The following ANTXR1 variants were observed in gnomAD, a reference collection of about 807,000 sequenced individuals.
ANTXR1 encodes the protein anthrax toxin receptor 1.
In ANTXR1, 19 loss-of-function variants were observed where a neutral mutation model predicts 78.1. The observed-to-expected ratio is 0.24, with a 90% confidence interval of 0.17 to 0.36. The LOEUF (loss-of-function observed/expected upper bound fraction) is 0.36. Among genes scored for constraint, ANTXR1 ranks in the 10% least tolerant of loss-of-function variants. The pLI is 1.00. For missense variants in ANTXR1, 518 were observed against 718.6 expected (o/e 0.72, Z 3.19); for synonymous variants, 273 against 260.5 (o/e 1.05, Z -0.46).
intron 10 of ANTXR1, among the ~76,000 whole-genome samples, chr2:69,106,353 G>A (rs1214061257): frequency 6.6e-6 from 1 of 152,180 alleles, no homozygotes; most frequent in Non-Finnish European, 1.5e-5. Flanking sequence ...AAATTACATT[G>A]TGTGGCCTCA....
chr2:69,242,778 T>A (rs1675924369), intron 17 of ANTXR1, among the ~76,000 whole-genome samples: 1 of 152,218 alleles, frequency 6.6e-6, no homozygotes, highest in Non-Finnish European at 1.5e-5. Flanking sequence ...CAGATGGTAA[T>A]CATTAGGGCC....
In ANTXR1 at chr2:69,071,481, C is replaced by T. The variant is rs184730761; in HGVS notation, c.379-273C>T. Among the ~76,000 whole-genome samples, 67 of 152,354 alleles carry T rather than the reference C, an allele frequency of 4.4e-4. 1 individual carries two copies. The highest frequency in any genetic ancestry group is 4.0e-3 in the Admixed American group (61 of 15,304). On this transcript the variant is annotated intron_variant, in intron 4 of 17. Transcript: ENST00000303714. ...ATGTCACTAGGTGATTGGACTTTTT[C>T]AGCTCCATTATAACCTTAGGGGACC...
intron 17 of ANTXR1, among the ~76,000 whole-genome samples, chr2:69,200,574 T>G (rs992196720): frequency 6.6e-6 from 1 of 152,222 alleles, no homozygotes; most frequent in African/African-American, 2.4e-5. Context: ...CATTCCCTCT[T>G]TCTTCTAACC....
At chr2:69,103,338 T>C (rs1671692556) in intron 10 of ANTXR1, 1 of 323,114 alleles carries the variant, frequency 3.1e-6, no homozygotes, top group African/African-American at 2.1e-5. Context: ...TGCAGAAACA[T>C]GAGCCTCCTT....
At position 69,024,424 on chromosome 2, in the gene ANTXR1, G is replaced by T. The variant is rs955735719; in HGVS notation, c.152+10773G>T. The stretch of plus-strand genomic sequence containing the variant: ...AGAGGTGGAGTTTGAAGAGGAAGAT[G>T]GCCAAAGTCCAACCCAAAGGAATTG... On this transcript the variant is annotated intron_variant, in intron 1 of 17. Coordinates refer to ENST00000303714, the MANE Select transcript of ANTXR1 (RefSeq NM_032208.3). 2.0e-5 allele frequency among the ~76,000 whole-genome samples: 3 copies of T among 152,146 alleles called. No homozygotes were observed. The East Asian group carries it at 5.8e-4, about 29-fold the overall frequency.
intron 16 of ANTXR1, among the ~76,000 whole-genome samples, chr2:69,185,597 C>T (rs1291376188): frequency 6.6e-6 from 1 of 151,826 alleles, no homozygotes; most frequent in Non-Finnish European, 1.5e-5. Flanking sequence ...AGGTCCCAGC[C>T]AGCATTCCAT....
chr2:69,246,287 A>G lies in ANTXR1; in HGVS notation c.*802A>G, dbSNP rs1676020860. On this transcript the variant is annotated 3_prime_UTR_variant, in exon 18 of 18. Coordinates refer to ENST00000303714, the MANE Select transcript of ANTXR1 (RefSeq NM_032208.3). ...CTGGCTTTGGCCAGACATGGACCCT[A>G]AATCAACAGACAATGGCATTGTCGA... 2 of 152,218 alleles carry G rather than the reference A, an allele frequency of 1.3e-5. No homozygotes were observed. The highest frequency in any genetic ancestry group is 6.5e-5 in the Admixed American group (1 of 15,286). 9.4% of individuals were successfully genotyped at this position (152,218 alleles called of 1,614,324 possible). A position where few individuals can be genotyped will look rare whatever the true frequency, so the allele number is the denominator to read the frequency against.
At chr2:69,027,840 G>A (rs1671395355) in intron 1 of ANTXR1, among the ~76,000 whole-genome samples, 1 of 150,980 alleles carries the variant, frequency 6.6e-6, no homozygotes, top group South Asian at 2.1e-4. Context: ...GTCAATTGTG[G>A]CACCATATGA....
At chr2:69,130,472 G>T (rs1300260452) in intron 12 of ANTXR1, among the ~76,000 whole-genome samples, 2 of 152,282 alleles carry the variant, frequency 1.3e-5, no homozygotes, top group East Asian at 3.9e-4. Context: ...GAAAACAACT[G>T]CTCTATAACT....
At position 69,079,002 on chromosome 2, in the gene ANTXR1, T is replaced by C. The variant is rs576612513; in HGVS notation, c.642+1514T>C. Among the ~76,000 whole-genome samples, 38 of 152,280 alleles carry C rather than the reference T, an allele frequency of 2.5e-4. No individual in the cohort carries two copies. The South Asian group carries it at 3.3e-3, about 13-fold the overall frequency. On this transcript the variant is annotated intron_variant, in intron 8 of 17. Coordinates refer to ENST00000303714, the MANE Select transcript of ANTXR1 (RefSeq NM_032208.3). ...GGTATGCTTTTAGAACATTGACATA[T>C]CTGACCTTAAGAATACAGAATTGCA... is the stretch of plus-strand genomic sequence containing the variant.
intron 17 of ANTXR1, among the ~76,000 whole-genome samples, chr2:69,231,319 C>G (rs1233810526): frequency 6.6e-6 from 1 of 152,140 alleles, no homozygotes. Flanking sequence ...CCATCTTTCT[C>G]CTGGGGACCT....
At chr2:69,169,787 A>G (rs1673928778) in intron 13 of ANTXR1, among the ~76,000 whole-genome samples, 1 of 152,258 alleles carries the variant, frequency 6.6e-6, no homozygotes, top group East Asian at 1.9e-4. Context: ...CAGCTGAAGG[A>G]CTGCCAGCAG....
At chr2:69,093,853 A>G (rs1163752886) in intron 9 of ANTXR1, among the ~76,000 whole-genome samples, 1 of 152,218 alleles carries the variant, frequency 6.6e-6, no homozygotes, top group South Asian at 2.1e-4. Context: ...CTATCCAATC[A>G]TATTATCTTT....
At chr2:69,074,598 T>C (rs900073243) in intron 6 of ANTXR1, among the ~76,000 whole-genome samples, 3 of 152,122 alleles carry the variant, frequency 2.0e-5, no homozygotes, top group African/African-American at 7.2e-5. Context: ...AATCACAGAG[T>C]TGTTGCAAAT....
chr2:69,183,581 T>G (rs1037251216), intron 16 of ANTXR1, among the ~76,000 whole-genome samples: 5,107 of 137,612 alleles, frequency 0.037, 350 homozygotes, highest in African/African-American at 0.14. Context: ...TTTGTTTTTT[T>G]TTTTTTTTTT....
chr2:69,136,204 T>C (rs185682741), intron 12 of ANTXR1, among the ~76,000 whole-genome samples: 6 of 152,282 alleles, frequency 3.9e-5, no homozygotes, highest in African/African-American at 1.4e-4. Context: ...AAATATATCC[T>C]GAATGAAACT....
At chr2:69,138,258 T>C (rs1455581501) in intron 12 of ANTXR1, among the ~76,000 whole-genome samples, 2 of 152,208 alleles carry the variant, frequency 1.3e-5, no homozygotes, top group Admixed American at 6.5e-5. Flanking sequence ...TTTCTACCAA[T>C]GCTAAAATAA....
rs576628782 is a variant in ANTXR1 at position 69,177,467 on chromosome 2, G to A, written c.1090-4319G>A. On this transcript the variant is annotated intron_variant, in intron 14 of 17. Transcript: ENST00000303714. ...TGCAGGCACACCCAGGTCTGCCTGA[G>A]GACACGCAGGTCAGAAGGGGCCTCT... Among the ~76,000 whole-genome samples, 15 of 152,314 alleles carry A rather than the reference G, an allele frequency of 9.8e-5. No individual in the cohort carries two copies. In the East Asian group the frequency reaches 2.3e-3, roughly 24 times the overall value.
At chr2:69,165,923 A>G (rs1673814563) in intron 13 of ANTXR1, among the ~76,000 whole-genome samples, 1 of 152,244 alleles carries the variant, frequency 6.6e-6, no homozygotes, top group Admixed American at 6.5e-5. Context: ...AAATCAATTT[A>G]TAAAGCCATT....
Sources: gnomAD v4.1 joint callset for allele counts (sites outside exome capture counted in the v4.1 genomes callset) on GRCh38, gnomAD v4.1.1 for gene constraint, MANE v1.5 for transcripts, NCBI Gene and HGNC (gene_info 2026-07-23, HGNC 2026-07-21) for gene names.